Variants in MDGA2 observed in about 807,000 individuals in gnomAD.
MDGA2 encodes the protein MAM domain-containing glycosylphosphatidylinositol anchor protein 2.
Under a neutral mutation model 117.8 loss-of-function variants are expected in MDGA2, and 40 were observed. The observed-to-expected ratio is 0.34, with a 90% CI of 0.26 to 0.44. The LOEUF (loss-of-function observed/expected upper bound fraction) is 0.44, where lower values mean the gene tolerates loss of function less well. MDGA2 is among the 20% of genes least tolerant of loss of function. The pLI is 1.00. For missense variants in MDGA2, 1,123 were observed against 1,250.6 expected, an observed-to-expected ratio of 0.90 and a Z score of 1.54; for synonymous variants, 452 against 439.0, an observed-to-expected ratio of 1.03 and a Z score of -0.37.
Position 47,292,085 on chromosome 14 carries a change from C to T in MDGA2, c.420+9326G>A, listed in dbSNP as rs554336395. Among the ~76,000 whole-genome samples the T allele has an allele frequency of 7.6e-4, 115 of 152,292 alleles. 2 individuals carry two copies. The South Asian group carries it at 0.022, about 29-fold the overall frequency. On this transcript the variant is annotated intron_variant, in intron 2 of 16. Coordinates refer to ENST00000399232, the MANE Select transcript of MDGA2 (RefSeq NM_001113498.3). The stretch of plus-strand genomic sequence containing the variant: ...GATACCACATCTGATCCAGCAGCTG[C>T]GCTGATTTGGTTGTTTACCATAAGC...
At chr14:47,442,488 T>A (rs1893033200) in intron 1 of MDGA2, among the ~76,000 whole-genome samples, 1 of 152,126 alleles carries the variant, frequency 6.6e-6, no homozygotes, top group African/African-American at 2.4e-5. Flanking sequence ...TGAGGTGATG[T>A]AAGCAGGAAA....
At chr14:47,263,630 G>A (rs2139680158) in intron 2 of MDGA2, among the ~76,000 whole-genome samples, 1 of 152,176 alleles carries the variant, frequency 6.6e-6, no homozygotes, top group African/African-American at 2.4e-5. Context: ...AGATTAATCT[G>A]CATTGGACTT....
At chr14:47,042,016 ACAAT>A (rs1390446819) in intron 7 of MDGA2, among the ~76,000 whole-genome samples, 1 of 152,118 alleles carries the variant, frequency 6.6e-6, no homozygotes, top group Non-Finnish European at 1.5e-5. Context: ...CTTCCAAAAG[ACAAT>A]CAGACTCATA....
chr14:47,269,124 T>C lies in MDGA2; in HGVS notation c.420+32287A>G, dbSNP rs542730523. On this transcript the variant is annotated intron_variant, in intron 2 of 16. Transcript: ENST00000399232. ...AGTAGTTAGGTTTAGCTGAGGGATA[T>C]AGTTTAGGAAAATATTCTGTCATCC... is the stretch of plus-strand genomic sequence containing the variant. 4.6e-5 allele frequency among the ~76,000 whole-genome samples: 7 copies of C among 152,210 alleles called. No individual in the cohort carries two copies. The South Asian group carries it at 1.5e-3, about 32-fold the overall frequency.
At chr14:47,046,249 G>T (rs1431305233) in intron 7 of MDGA2, among the ~76,000 whole-genome samples, 1 of 152,070 alleles carries the variant, frequency 6.6e-6, no homozygotes, top group Non-Finnish European at 1.5e-5. Flanking sequence ...GAAATGGCTA[G>T]GTCATTCGAT....
chr14:47,410,319 A>G (rs548275002), intron 1 of MDGA2, among the ~76,000 whole-genome samples: 7 of 152,288 alleles, frequency 4.6e-5, no homozygotes, highest in African/African-American at 1.4e-4. Context: ...TTGTTTTTCT[A>G]GTCTTGGAAA....
At chr14:47,096,317 CTT>C (rs1879963275) in intron 6 of MDGA2, among the ~76,000 whole-genome samples, 1 of 151,906 alleles carries the variant, frequency 6.6e-6, no homozygotes. Context: ...ATTTCTATAT[CTT>C]TTGTTTATTC....
intron 2 of MDGA2, among the ~76,000 whole-genome samples, chr14:47,259,289 T>C (rs1191055941): frequency 2.0e-5 from 3 of 152,098 alleles, no homozygotes; most frequent in South Asian, 4.1e-4. Flanking sequence ...ACTATACACA[T>C]ACAGGTTTTG....
At chr14:47,000,466 T>C (rs1042465920) in intron 8 of MDGA2, among the ~76,000 whole-genome samples, 8 of 143,874 alleles carry the variant, frequency 5.6e-5, no homozygotes, top group Non-Finnish European at 1.1e-4. Flanking sequence ...AATATATATA[T>C]GTATAACAGG....
chr14:47,360,258 G>A (rs1891087799), intron 1 of MDGA2, among the ~76,000 whole-genome samples: 1 of 151,974 alleles, frequency 6.6e-6, no homozygotes, highest in Non-Finnish European at 1.5e-5. Context: ...GGCTGAGGCA[G>A]GAGAATTGCT....
chr14:47,107,882 C>G (rs1165942899), intron 5 of MDGA2, among the ~76,000 whole-genome samples: 2 of 151,590 alleles, frequency 1.3e-5, no homozygotes, highest in African/African-American at 4.9e-5. Context: ...TAAGTAGAGG[C>G]CTTTCCTACA....
At chr14:47,374,593 T>C (rs990012031) in intron 1 of MDGA2, among the ~76,000 whole-genome samples, 8 of 152,130 alleles carry the variant, frequency 5.3e-5, no homozygotes, top group Non-Finnish European at 7.4e-5. Flanking sequence ...TTGTCATCAA[T>C]GAAGGCAGCC....
intron 9 of MDGA2, among the ~76,000 whole-genome samples, chr14:46,920,518 T>C (rs1884086426): frequency 2.0e-5 from 3 of 152,174 alleles, no homozygotes; most frequent in Non-Finnish European, 2.9e-5. Context: ...AGGATATAAC[T>C]AGTCTGGAAT....
intron 3 of MDGA2, among the ~76,000 whole-genome samples, chr14:47,193,497 A>C (rs1566674534): frequency 1.3e-5 from 2 of 152,290 alleles, no homozygotes; most frequent in East Asian, 3.9e-4. Context: ...GAACTTTCTG[A>C]AGATGTAGAA....
At chr14:47,129,919 G>T (rs77217571) in intron 5 of MDGA2, among the ~76,000 whole-genome samples, 1 of 145,582 alleles carries the variant, frequency 6.9e-6, no homozygotes, top group African/African-American at 2.6e-5. Flanking sequence ...CATGTCCTTC[G>T]CCCACTTTTT....
intron 8 of MDGA2, among the ~76,000 whole-genome samples, chr14:46,995,559 T>G (rs2138453430): frequency 6.6e-6 from 1 of 152,258 alleles, no homozygotes; most frequent in Non-Finnish European, 1.5e-5. Flanking sequence ...CCATTGCTTT[T>G]TTTTTGACTA....
chr14:46,900,123 T>C lies in MDGA2; in HGVS notation c.2239-17902A>G, dbSNP rs548153882. Among the ~76,000 whole-genome samples the C allele has an allele frequency of 7.9e-5, 12 of 152,222 alleles. No homozygotes were observed. In the South Asian group the frequency reaches 8.3e-4, roughly 11 times the overall value. ...TGGAAAATAAACATCTGAAATATCA[T>C]CGGGCATTAGAGAAATACAAATTAA... On this transcript the variant is annotated intron_variant, in intron 10 of 16. Coordinates refer to ENST00000399232, the MANE Select transcript of MDGA2 (RefSeq NM_001113498.3).
chr14:47,467,664 G>A (rs1893632056), intron 1 of MDGA2, among the ~76,000 whole-genome samples: 1 of 152,020 alleles, frequency 6.6e-6, no homozygotes, highest in African/African-American at 2.4e-5. Flanking sequence ...TTGACCTTGG[G>A]AAAATCATTT....
In MDGA2 at chr14:47,179,361, T is replaced by C. The variant is rs185640411; in HGVS notation, c.596-35087A>G. ...TCTATTTATATTTACACTACATAGT[T>C]CGTTCTACTGTAGCTTAATATTTAA... On this transcript the variant is annotated intron_variant, in intron 3 of 16. Coordinates refer to ENST00000399232, the MANE Select transcript of MDGA2 (RefSeq NM_001113498.3). Among the ~76,000 whole-genome samples the C allele has an allele frequency of 3.6e-3, 552 of 152,212 alleles. 1 individual carries two copies. Among genetic ancestry groups the C allele is most frequent in the African/African-American group, 0.013 (524 of 41,570 alleles).
Sources: gnomAD v4.1 joint callset for allele counts (sites outside exome capture counted in the v4.1 genomes callset) on GRCh38, gnomAD v4.1.1 for gene constraint, MANE v1.5 for transcripts, NCBI Gene and HGNC (gene_info 2026-07-23, HGNC 2026-07-21) for gene names.